SAMD12: variants seen among roughly 807,000 people sequenced by gnomAD.
SAMD12 encodes the protein sterile alpha motif domain-containing protein 12.
In SAMD12, 9 loss-of-function variants were observed where a neutral mutation model predicts 15.0. The observed-to-expected ratio is 0.60, with a 90% CI of 0.36 to 1.05. The LOEUF is 1.05. Among genes scored for constraint, SAMD12 ranks in the 50% least tolerant of loss-of-function variants. The pLI, the probability that SAMD12 is intolerant of heterozygous loss-of-function variation, is 0.01. For missense variants in SAMD12, 230 were observed against 234.2 expected (o/e 0.98, Z 0.12); for synonymous variants, 86 against 90.1 (o/e 0.96, Z 0.25).
intron 4 of SAMD12, among the ~76,000 whole-genome samples, chr8:118,261,662 T>C (rs1813080777): frequency 6.6e-6 from 1 of 151,518 alleles, no homozygotes; most frequent in Non-Finnish European, 1.5e-5. Context: ...TTTCCCATGC[T>C]CTCAGTGACT....
chr8:118,170,903 A>G, the SAMD12 span, among the ~76,000 whole-genome samples: 1 of 152,258 alleles, frequency 6.6e-6, no homozygotes, highest in Non-Finnish European at 1.5e-5. Flanking sequence ...ATGGAATGAG[A>G]GAAAATATCT....
intron 1 of SAMD12, among the ~76,000 whole-genome samples, chr8:118,610,711 A>C (rs59397035): frequency 0.25 from 37,859 of 152,196 alleles, 5,087 homozygotes; most frequent in East Asian, 0.49. Flanking sequence ...TTAGAGAATA[A>C]AAAAGGCAAA....
intron 2 of SAMD12, among the ~76,000 whole-genome samples, chr8:118,556,963 C>G (rs1563582751): frequency 7.2e-6 from 1 of 138,866 alleles, no homozygotes. Flanking sequence ...GACTCCATCT[C>G]AAAAAAAAAA....
intron 4 of SAMD12, among the ~76,000 whole-genome samples, chr8:118,340,427 T>A (rs1402506361): frequency 6.6e-6 from 1 of 152,186 alleles, no homozygotes; most frequent in Non-Finnish European, 1.5e-5. Context: ...AATTTTGTCA[T>A]GTATATACTC....
At chr8:118,369,876 C>A (rs1048790099) in intron 4 of SAMD12, among the ~76,000 whole-genome samples, 1 of 152,038 alleles carries the variant, frequency 6.6e-6, no homozygotes, top group Non-Finnish European at 1.5e-5. Context: ...GATTTCATGA[C>A]AAAAATGTCA....
intron 2 of SAMD12, among the ~76,000 whole-genome samples, chr8:118,516,647 T>TG (rs1021400807): frequency 3.3e-5 from 5 of 151,518 alleles, no homozygotes; most frequent in African/African-American, 1.2e-4. Flanking sequence ...TCTTTTTTTT[T>TG]TTTTGGAGAT....
At chr8:118,524,865 T>G (rs1825491610) in intron 2 of SAMD12, among the ~76,000 whole-genome samples, 1 of 152,140 alleles carries the variant, frequency 6.6e-6, no homozygotes, top group Admixed American at 6.6e-5. Context: ...GGGTCACCAC[T>G]CTCCTGTGGA....
At chr8:118,272,620 T>C (rs1313240070) in intron 4 of SAMD12, among the ~76,000 whole-genome samples, 1 of 152,172 alleles carries the variant, frequency 6.6e-6, no homozygotes, top group Admixed American at 6.5e-5. Context: ...TCCTCTTGAA[T>C]GTTTTGTTGC....
At chr8:118,437,754 T>C (rs1488912794) in intron 3 of SAMD12, among the ~76,000 whole-genome samples, 2 of 152,124 alleles carry the variant, frequency 1.3e-5, no homozygotes, top group African/African-American at 4.8e-5. Context: ...ATTCCCACAC[T>C]CCTGTCCTCA....
At position 118,547,932 on chromosome 8, in the gene SAMD12, G is replaced by C. The variant is rs189939762; in HGVS notation, c.192+32783C>G. On this transcript the variant is annotated intron_variant, in intron 2 of 3. Transcript: ENST00000314727. The stretch of plus-strand genomic sequence containing the variant: ...GACCTCCAACCTTCTGGCATATAGT[G>C]ATAGAGGGGTACATGTAACACACTT... Among the ~76,000 whole-genome samples, 170 of 152,162 alleles carry C rather than the reference G, an allele frequency of 1.1e-3. 2 individuals are homozygous for C. In the East Asian group the frequency reaches 0.032, roughly 28 times the overall value.
intron 2 of SAMD12, among the ~76,000 whole-genome samples, chr8:118,513,472 C>T (rs1267600782): frequency 6.6e-6 from 1 of 152,096 alleles, no homozygotes; most frequent in African/African-American, 2.4e-5. Flanking sequence ...AGCCACCTAC[C>T]CTCCCAAAGA....
At chr8:118,541,688 A>G (rs971303671) in intron 2 of SAMD12, among the ~76,000 whole-genome samples, 7 of 152,186 alleles carry the variant, frequency 4.6e-5, no homozygotes, top group African/African-American at 1.7e-4. Flanking sequence ...TTCCTTATAG[A>G]CAAATTTCAA....
In SAMD12 at chr8:118,477,211, GC is replaced by G. The variant is rs374054916; in HGVS notation, c.193-37251del. Among the ~76,000 whole-genome samples, 716 of 151,936 alleles carry G rather than the reference GC, an allele frequency of 4.7e-3. 7 individuals are homozygous for G. The highest frequency in any genetic ancestry group is 0.017 in the African/African-American group (690 of 41,428). On this transcript the variant is annotated intron_variant, in intron 2 of 3. Transcript: ENST00000314727. ...CTCCTGAGTAGCTGGGATTACAGGC[GC>G]CCACCACCATGCCTGACTAATTTTT...
intron 2 of SAMD12, among the ~76,000 whole-genome samples, chr8:118,478,040 A>G: frequency 6.6e-6 from 1 of 150,770 alleles, no homozygotes; most frequent in Middle Eastern, 3.4e-3. Flanking sequence ...AAAGAATTAT[A>G]TATATTCAAT....
At chr8:118,523,954 G>A (rs1825463043) in intron 2 of SAMD12, among the ~76,000 whole-genome samples, 1 of 151,940 alleles carries the variant, frequency 6.6e-6, no homozygotes, top group Admixed American at 6.6e-5. Flanking sequence ...AAACTGTCCA[G>A]CAACATGTTC....
chr8:118,543,627 C>CTTTTTTT (rs1554582437), intron 2 of SAMD12, among the ~76,000 whole-genome samples: 6 of 116,914 alleles, frequency 5.1e-5, no homozygotes, highest in African/African-American at 2.8e-4. Flanking sequence ...TTCTTTCTTT[C>CTTTTTTT]TTTCTTTTTT....
chr8:118,408,839 T>C (rs779271266), intron 3 of SAMD12, among the ~76,000 whole-genome samples: 1 of 152,154 alleles, frequency 6.6e-6, no homozygotes, highest in African/African-American at 2.4e-5. Flanking sequence ...TTAGCTCTCC[T>C]ACTAAAAAGA....
At chr8:118,543,627 C>CTTTTTTTTTTT (rs1554582437) in intron 2 of SAMD12, among the ~76,000 whole-genome samples, 1 of 116,914 alleles carries the variant, frequency 8.6e-6, no homozygotes, top group Admixed American at 8.0e-5. Context: ...TTCTTTCTTT[C>CTTTTTTTTTTT]TTTCTTTTTT....
intron 3 of SAMD12, among the ~76,000 whole-genome samples, chr8:118,423,713 T>G (rs916815943): frequency 2.6e-5 from 4 of 152,196 alleles, no homozygotes; most frequent in Non-Finnish European, 2.9e-5. Flanking sequence ...AATACTGTTT[T>G]TGCCACCTCT....
Sources: gnomAD v4.1 joint callset for allele counts (sites outside exome capture counted in the v4.1 genomes callset) on GRCh38, gnomAD v4.1.1 for gene constraint, MANE v1.5 for transcripts, NCBI Gene and HGNC (gene_info 2026-07-23, HGNC 2026-07-21) for gene names.